The following OXR1 variants were observed in gnomAD, a reference collection of about 807,000 sequenced individuals.
The protein encoded by OXR1 is oxidation resistance 1.
Under a neutral mutation model 104.6 loss-of-function variants are expected in OXR1, and 41 were observed. The observed-to-expected ratio is 0.39, with a 90% CI of 0.31 to 0.51. The LOEUF is 0.51. Ranked by LOEUF, OXR1 falls within the 20% of genes least tolerant of loss-of-function variation. OXR1 has a pLI of 0.77. For synonymous variants in OXR1, 348 were observed against 348.4 expected, an observed-to-expected ratio of 1.00 and a Z score of 0.01; for missense variants, 955 against 1,031.9, an observed-to-expected ratio of 0.93 and a Z score of 1.02.
intron 11 of OXR1, among the ~76,000 whole-genome samples, chr8:106,722,334 C>CT (rs907425920): frequency 9.3e-5 from 14 of 150,918 alleles, no homozygotes; most frequent in Non-Finnish European, 1.8e-4. Context: ...TTTAAGTATT[C>CT]TTTTTTTTTA....
At chr8:106,276,823 G>T (rs997293466) in intron 1 of OXR1, among the ~76,000 whole-genome samples, 2 of 145,786 alleles carry the variant, frequency 1.4e-5, no homozygotes, top group Non-Finnish European at 1.5e-5. Context: ...CACCTAAATT[G>T]TCAAAAAGAT....
At chr8:106,664,758 A>C (rs1826106562) in intron 3 of OXR1, among the ~76,000 whole-genome samples, 1 of 152,214 alleles carries the variant, frequency 6.6e-6, no homozygotes, top group Non-Finnish European at 1.5e-5. Context: ...AGGGTTTTTA[A>C]TATTTTTCTC....
chr8:106,515,529 T>C (rs1380871922), intron 2 of OXR1, among the ~76,000 whole-genome samples: 1 of 152,132 alleles, frequency 6.6e-6, no homozygotes, highest in Non-Finnish European at 1.5e-5. Flanking sequence ...ATAAGTCACA[T>C]TGTGTGGTAT....
intron 3 of OXR1, among the ~76,000 whole-genome samples, chr8:106,548,996 A>G (rs1815589511): frequency 6.6e-6 from 1 of 152,208 alleles, no homozygotes; most frequent in Non-Finnish European, 1.5e-5. Context: ...CACATCCATG[A>G]ATATATTAAA....
chr8:106,447,871 A>G, intron 2 of OXR1: 2 of 1,479,522 alleles, frequency 1.4e-6, no homozygotes, highest in Non-Finnish European at 1.8e-6. Flanking sequence ...TTGGTCTGAT[A>G]CTAGCCCCAC....
chr8:106,491,373 A>G (rs919494417), intron 2 of OXR1, among the ~76,000 whole-genome samples: 2 of 152,232 alleles, frequency 1.3e-5, no homozygotes, highest in South Asian at 2.1e-4. Context: ...CCTACAGACA[A>G]ACACATACAT....
At chr8:106,709,241 A>G (rs1344524165) in intron 9 of OXR1, among the ~76,000 whole-genome samples, 1 of 152,164 alleles carries the variant, frequency 6.6e-6, no homozygotes, top group African/African-American at 2.4e-5. Context: ...ACATCAAATC[A>G]AGATTATACT....
At position 106,359,538 on chromosome 8, in the gene OXR1, T is replaced by C. The variant is rs914613464; in HGVS notation, c.-76T>C. 1 of 1,125,512 alleles carries C rather than the reference T, an allele frequency of 8.9e-7. No individual in the cohort carries two copies. The highest frequency in any genetic ancestry group is 2.0e-5 in the Admixed American group (1 of 50,364). The allele number at this position is 1,125,512 out of a possible 1,614,324, so 69.7% of individuals were successfully genotyped here. A position where few individuals can be genotyped will look rare whatever the true frequency, so the allele number is the denominator to read the frequency against. ...TCATTCCAGAAGCAAAGCTAAAATT[T>C]TTAGCGGTGTTGTCGACTTGACCTG... On this transcript the variant is annotated 5_prime_UTR_variant, in exon 2 of 17. Transcript: ENST00000517566.
intron 1 of OXR1, among the ~76,000 whole-genome samples, chr8:106,326,207 C>T (rs1814461542): frequency 6.6e-6 from 1 of 152,194 alleles, no homozygotes; most frequent in African/African-American, 2.4e-5. Flanking sequence ...TCTCACTCGT[C>T]CAAGAAGCAT....
chr8:106,475,665 A>T (rs1821763599), intron 2 of OXR1, among the ~76,000 whole-genome samples: 1 of 151,988 alleles, frequency 6.6e-6, no homozygotes, highest in Non-Finnish European at 1.5e-5. Context: ...CATTTTGAAA[A>T]TGAATCAAAG....
In OXR1 at chr8:106,737,520, G is replaced by T; in HGVS notation, c.1957G>T (p.Val653Leu). The T allele has an allele frequency of 8.7e-7, 1 of 1,149,740 alleles. No homozygotes were observed. Among genetic ancestry groups the T allele is most frequent in the Non-Finnish European group, 1.1e-6 (1 of 895,318 alleles). 71.2% of individuals were successfully genotyped at this position (1,149,740 alleles called of 1,614,324 possible). A position where few individuals can be genotyped will look rare whatever the true frequency, so the allele number is the denominator to read the frequency against. The change falls in exon 12 of 17, where the codon GTA becomes TTA. Residue 653 changes from valine to leucine, a missense_variant and splice_region_variant. Physicochemically the swap from Val to Leu is conservative, Grantham distance 32. Around this residue, in one of 2 missense-constraint regions of OXR1, gnomAD observed 849 missense variants for 852.9 expected, o/e 1.00. Coordinates refer to ENST00000517566, the MANE Select transcript of OXR1 (RefSeq NM_001198533.2). The part of the protein sequence containing the change: ...SNQAAAREWE[V>L]VSVAEYHRRI... ...ATTGTCTTCCTGTCTCCATATTTAGGTAGTGTCAGTGGCTGAGTATCACCG... is the reference window on the plus strand; with the variant it reads ...ATTGTCTTCCTGTCTCCATATTTAGTTAGTGTCAGTGGCTGAGTATCACCG...
intron 1 of OXR1, among the ~76,000 whole-genome samples, chr8:106,341,111 A>T (rs1039955526): frequency 6.6e-6 from 1 of 152,158 alleles, no homozygotes; most frequent in African/African-American, 2.4e-5. Context: ...AAAAAAGTGA[A>T]GACGTCCCAA....
In OXR1 at chr8:106,674,561, T is replaced by C. The variant is rs1247747882; in HGVS notation, c.221-4649T>C. Among the ~76,000 whole-genome samples, 3 of 152,274 alleles carry C rather than the reference T, an allele frequency of 2.0e-5. No homozygotes were observed. The East Asian group carries it at 5.8e-4, about 29-fold the overall frequency. On this transcript the variant is annotated intron_variant, in intron 3 of 16. Transcript: ENST00000517566. Reference sequence around the variant, plus strand: ...ACTTTGGGAGACTGTTGGGAAGGCATGATTGGCTTTGAAATGTGAAAGGGA... The same window carrying C: ...ACTTTGGGAGACTGTTGGGAAGGCACGATTGGCTTTGAAATGTGAAAGGGA...
At chr8:106,482,695 T>A (rs530688904) in intron 2 of OXR1, among the ~76,000 whole-genome samples, 31 of 152,174 alleles carry the variant, frequency 2.0e-4, no homozygotes, top group South Asian at 1.7e-3. Flanking sequence ...TCCATAGACT[T>A]AAATAACAGA....
At chr8:106,273,957 G>A (rs905108817) in intron 1 of OXR1, among the ~76,000 whole-genome samples, 2 of 152,150 alleles carry the variant, frequency 1.3e-5, no homozygotes, top group African/African-American at 4.8e-5. Context: ...CTTTTTAAAA[G>A]CGATAATCTT....
intron 2 of OXR1, among the ~76,000 whole-genome samples, chr8:106,510,090 A>G (rs2130026430): frequency 6.6e-6 from 1 of 152,322 alleles, no homozygotes; most frequent in East Asian, 1.9e-4. Flanking sequence ...TATTCTTATA[A>G]TGGGATAGGG....
At chr8:106,734,077 A>G (rs1233919581) in intron 11 of OXR1, among the ~76,000 whole-genome samples, 3 of 151,166 alleles carry the variant, frequency 2.0e-5, no homozygotes, top group African/African-American at 7.3e-5. Context: ...TGCAGCCTCA[A>G]CCTGCTGGGC....
At chr8:106,383,179 ATTCT>A (rs1417613856) in intron 2 of OXR1, among the ~76,000 whole-genome samples, 3 of 152,132 alleles carry the variant, frequency 2.0e-5, no homozygotes, top group Non-Finnish European at 4.4e-5. Context: ...GGCAGTTGTT[ATTCT>A]TTGAGTTGCT....
At chr8:106,605,834 C>T (rs886960139) in intron 3 of OXR1, among the ~76,000 whole-genome samples, 1 of 151,118 alleles carries the variant, frequency 6.6e-6, no homozygotes, top group African/African-American at 2.4e-5. Context: ...ATAAAGGAAA[C>T]ACAAAAAACA....
Sources: allele counts gnomAD v4.1 joint callset (sites outside exome capture counted in the v4.1 genomes callset), GRCh38; gene constraint gnomAD v4.1.1; regional missense constraint gnomAD v4.1.1; transcripts MANE v1.5; gene names NCBI Gene and HGNC (gene_info 2026-07-23, HGNC 2026-07-21).